The following SYT1 variants were observed in gnomAD, a reference collection of about 807,000 sequenced individuals.
The protein encoded by SYT1 is synaptotagmin 1.
In SYT1, 8 loss-of-function variants were observed where a neutral mutation model predicts 44.8. The ratio of observed to expected loss-of-function variants is 0.18; its 90% CI spans 0.10 to 0.32. The LOEUF (loss-of-function observed/expected upper bound fraction) is 0.32. Among genes scored for constraint, SYT1 ranks in the 10% least tolerant of loss-of-function variants. SYT1 has a pLI of 1.00. For missense variants in SYT1, 286 were observed against 509.3 expected, an observed-to-expected ratio of 0.56 and a Z score of 4.22; for synonymous variants, 154 against 188.8, an observed-to-expected ratio of 0.82 and a Z score of 1.51.
rs145348171 is a variant in SYT1, at chr12:78,917,850, A to T, written c.-217+52741A>T. 2.2e-3 allele frequency among the ~76,000 whole-genome samples: 339 copies of T among 152,188 alleles called. 3 individuals carry two copies. The highest frequency in any genetic ancestry group is 7.8e-3 in the African/African-American group (325 of 41,560). On this transcript the variant is annotated intron_variant, in intron 1 of 10. Coordinates refer to ENST00000261205, the MANE Select transcript of SYT1 (RefSeq NM_005639.3). Reference sequence around the variant, plus strand: ...TAAAACACAAAATTTGTTAACTCTTAAGAATTAATGTTTTATATGGAACAA... The same window carrying T: ...TAAAACACAAAATTTGTTAACTCTTTAGAATTAATGTTTTATATGGAACAA...
At chr12:79,180,015 A>G (rs1423873189) in intron 3 of SYT1, among the ~76,000 whole-genome samples, 1 of 151,986 alleles carries the variant, frequency 6.6e-6, no homozygotes, top group Admixed American at 6.6e-5. Flanking sequence ...TGCTATAATG[A>G]TGTACTTTGT....
intron 3 of SYT1, among the ~76,000 whole-genome samples, chr12:79,168,460 C>A (rs570492306): frequency 6.6e-6 from 1 of 152,056 alleles, no homozygotes; most frequent in Non-Finnish European, 1.5e-5. Flanking sequence ...AAAGATGGGA[C>A]GGCACACCCA....
At chr12:78,940,911 T>C (rs892673516) in intron 1 of SYT1, among the ~76,000 whole-genome samples, 2 of 152,084 alleles carry the variant, frequency 1.3e-5, no homozygotes, top group Non-Finnish European at 2.9e-5. Context: ...AAGGTCAACA[T>C]TGAAAACGTA....
chr12:79,178,304 C>T (rs1228580962), intron 3 of SYT1, among the ~76,000 whole-genome samples: 1 of 151,928 alleles, frequency 6.6e-6, no homozygotes, highest in East Asian at 1.9e-4. Context: ...TATCACTCAG[C>T]CACATAGATT....
In SYT1 at chr12:79,305,817, C is replaced by T. The variant is rs137929905; in HGVS notation, c.810+6266C>T. 7.8e-3 allele frequency among the ~76,000 whole-genome samples: 1,180 copies of T among 152,254 alleles called. 11 individuals are homozygous for T. The highest frequency in any genetic ancestry group is 0.025 in the African/African-American group (1,051 of 41,524). On this transcript the variant is annotated intron_variant, in intron 8 of 10. Transcript: ENST00000261205. ...GTTCAAGCGATTCTCCTGCCTCAGC[C>T]GCCCAAGTAGCTGGGATTACAGGTG...
intron 1 of SYT1, among the ~76,000 whole-genome samples, chr12:78,866,879 C>A (rs1189269412): frequency 6.6e-6 from 1 of 152,048 alleles, no homozygotes; most frequent in Non-Finnish European, 1.5e-5. Context: ...TATTTTTTCA[C>A]TACGTACGTT....
intron 1 of SYT1, among the ~76,000 whole-genome samples, chr12:78,927,745 C>T (rs1653008300): frequency 6.6e-6 from 1 of 152,066 alleles, no homozygotes; most frequent in Admixed American, 6.6e-5. Flanking sequence ...TTAAGGCTTC[C>T]GTTGCTACAG....
chr12:78,947,878 AC>A (rs1187888795), intron 1 of SYT1, among the ~76,000 whole-genome samples: 1 of 151,954 alleles, frequency 6.6e-6, no homozygotes, highest in Non-Finnish European at 1.5e-5. Flanking sequence ...TTTTATATAA[AC>A]CAATCTCTTA....
chr12:79,011,907 G>A (rs1414096613), intron 2 of SYT1, among the ~76,000 whole-genome samples: 1 of 152,034 alleles, frequency 6.6e-6, no homozygotes, highest in African/African-American at 2.4e-5. Context: ...TGAGGCGGGT[G>A]AATCACCTTA....
At chr12:79,053,605 A>G (rs1299189548) in intron 3 of SYT1, among the ~76,000 whole-genome samples, 3 of 149,186 alleles carry the variant, frequency 2.0e-5, no homozygotes, top group Non-Finnish European at 4.5e-5. Flanking sequence ...TATAATATTG[A>G]CAATTATTTA....
intron 2 of SYT1, among the ~76,000 whole-genome samples, chr12:79,045,274 C>G (rs1040395972): frequency 1.3e-5 from 2 of 152,230 alleles, no homozygotes; most frequent in Non-Finnish European, 2.9e-5. Context: ...ATCAGCGAGA[C>G]TACGTGGGCG....
chr12:79,154,348 T>C (rs1268132058), intron 3 of SYT1, among the ~76,000 whole-genome samples: 1 of 152,092 alleles, frequency 6.6e-6, no homozygotes, highest in Non-Finnish European at 1.5e-5. Flanking sequence ...GAGAACATTA[T>C]GGGTAGGAAT....
intron 1 of SYT1, among the ~76,000 whole-genome samples, chr12:78,872,903 C>T (rs1349760982): frequency 6.6e-6 from 1 of 151,626 alleles, no homozygotes; most frequent in African/African-American, 2.4e-5. Context: ...TAAAATTTTG[C>T]ATGTAAAGGG....
intron 1 of SYT1, among the ~76,000 whole-genome samples, chr12:78,897,424 A>G (rs1429027083): frequency 1.3e-5 from 2 of 151,882 alleles, no homozygotes; most frequent in African/African-American, 4.8e-5. Context: ...TGTTTTGTTT[A>G]ACAAATTAGG....
chr12:79,015,409 C>T (rs939917745), intron 2 of SYT1, among the ~76,000 whole-genome samples: 7 of 151,904 alleles, frequency 4.6e-5, no homozygotes, highest in Non-Finnish European at 1.0e-4. Flanking sequence ...TTTGTTTTTC[C>T]TATTTTTATA....
At chr12:78,970,680 G>A (rs1361948953) in intron 1 of SYT1, among the ~76,000 whole-genome samples, 3 of 152,078 alleles carry the variant, frequency 2.0e-5, no homozygotes, top group Admixed American at 6.5e-5. Context: ...TAAATAATCT[G>A]CTACCACTAG....
intron 1 of SYT1, among the ~76,000 whole-genome samples, chr12:78,867,516 TA>T (rs2137029133): frequency 6.6e-6 from 1 of 152,190 alleles, no homozygotes; most frequent in South Asian, 2.1e-4. Context: ...CAAAATAGTC[TA>T]ATGTCACAAT....
intron 8 of SYT1, among the ~76,000 whole-genome samples, chr12:79,302,934 T>C (rs1358633797): frequency 6.6e-6 from 1 of 152,134 alleles, no homozygotes; most frequent in Non-Finnish European, 1.5e-5. Context: ...TGTTTCTTAA[T>C]TTTTTTATTT....
At chr12:78,994,406 A>G (rs1277835917) in intron 2 of SYT1, among the ~76,000 whole-genome samples, 4 of 149,802 alleles carry the variant, frequency 2.7e-5, no homozygotes, top group East Asian at 2.0e-4. Flanking sequence ...TAGTCTGCCT[A>G]TTGTTCTGCC....
Sources: gnomAD v4.1 joint callset for allele counts (sites outside exome capture counted in the v4.1 genomes callset) on GRCh38, gnomAD v4.1.1 for gene constraint, MANE v1.5 for transcripts, NCBI Gene and HGNC (gene_info 2026-07-23, HGNC 2026-07-21) for gene names.